The following CLCF1 variants were observed in gnomAD, a reference collection of about 807,000 sequenced individuals.
CLCF1 encodes the protein cardiotrophin-like cytokine factor 1.
A neutral mutation model predicts 21.2 loss-of-function variants in CLCF1; 10 were observed. The ratio of observed to expected loss-of-function variants is 0.47; its 90% CI spans 0.29 to 0.80. CLCF1 has a LOEUF of 0.80. Among genes scored for constraint, CLCF1 ranks in the 30% least tolerant of loss-of-function variants. The probability of loss-of-function intolerance (pLI) is 0.09; values close to 1 mark genes in which losing one functional copy is unlikely to be tolerated. For missense variants in CLCF1, 240 were observed against 293.4 expected (o/e 0.82, Z 1.33); for synonymous variants, 115 against 120.5 (o/e 0.95, Z 0.30).
At chr11:67,367,387 T>G (rs1376667333) in intron 2 of CLCF1, 73 bp downstream of exon 2, 1 of 1,610,300 alleles carries the variant, frequency 6.2e-7, no homozygotes, top group African/African-American at 1.3e-5. Flanking sequence ...ACCAGAACCC[T>G]CCACGGTTAG....
intron 1 of CLCF1, chr11:67,369,387 T>A (rs1325262356): frequency 1.0e-6 from 1 of 985,272 alleles, no homozygotes; most frequent in African/African-American, 1.7e-5. Flanking sequence ...AACTGCTCCC[T>A]GGGGAGACCA....
chr11:67,365,213 C>G lies in CLCF1; in HGVS notation c.601G>C (p.Asp201His), dbSNP rs1216547481. 1.2e-6 allele frequency: 2 copies of G among 1,613,920 alleles called. No homozygotes were observed. Among genetic ancestry groups the G allele is most frequent in the African/African-American group, 2.7e-5 (2 of 74,932 alleles). The change falls in exon 3 of 3, where the codon GAC (aspartate) becomes CAC (histidine). Residue 201 changes from aspartate to histidine, a missense_variant. Physicochemically the swap from Asp to His is moderately conservative, Grantham distance 81. Transcript: ENST00000312438. The surrounding 1 kb of genome is among the most constrained non-coding windows in gnomAD (Gnocchi z 5.0). ...LQTWLWRSAK[D>H]FNRLKKKMQP... ...ATCTTCTTCTTGAGCCGGTTGAAGT[C>G]CTTGGCCGAGCGCCACAGCCAGGTC...
intron 1 of CLCF1, chr11:67,370,701 A>G: frequency 1.0e-6 from 1 of 985,336 alleles, no homozygotes; most frequent in African/African-American, 1.7e-5. Flanking sequence ...ACCCGTGAGC[A>G]CATGTCTTTA....
intron 2 of CLCF1, 109 bp downstream of exon 2, chr11:67,367,351 A>G: frequency 6.4e-7 from 1 of 1,553,842 alleles, no homozygotes; most frequent in Non-Finnish European, 8.8e-7. Flanking sequence ...GTGGGAGCCA[A>G]AGAGCCCCTC....
intron 1 of CLCF1, chr11:67,370,466 G>A (rs1167743952): frequency 1.0e-5 from 10 of 973,228 alleles, no homozygotes; most frequent in East Asian, 1.2e-4. Context: ...TTTACATCCC[G>A]TCTTCTCTGT....
chr11:67,369,091 T>A (rs769105907), intron 1 of CLCF1: 39 of 984,950 alleles, frequency 4.0e-5, no homozygotes, highest in Non-Finnish European at 4.7e-5. Flanking sequence ...GAATGAAGAC[T>A]AGGTTAGGTC....
intron 2 of CLCF1, 107 bp downstream of exon 2, chr11:67,367,353 G>A: frequency 6.4e-7 from 1 of 1,556,560 alleles, no homozygotes; most frequent in Non-Finnish European, 8.8e-7. Flanking sequence ...GGGAGCCAAA[G>A]AGCCCCTCCT....
upstream of CLCF1, chr11:67,373,795 G>A (rs1171168310): frequency 2.1e-6 from 2 of 939,176 alleles, no homozygotes; most frequent in East Asian, 1.1e-4. Context: ...GAGGGGGGAG[G>A]AGGGAAGGGA....
At position 67,373,523 on chromosome 11, in the gene CLCF1, C is replaced by G; in HGVS notation, c.16+1G>C. On this transcript the variant is annotated splice_donor_variant, in intron 1 of 2. Coordinates refer to ENST00000312438, the MANE Select transcript of CLCF1 (RefSeq NM_013246.3). LOFTEE classifies it high-confidence loss of function. ...CGGGGCCTCGGCCGCCTGGCTCCTA[C>G]CTGCTCGGAGGTCCATGGGGCTGGG... 1 of 1,426,266 alleles carries G rather than the reference C, an allele frequency of 7.0e-7. No homozygotes were observed. The highest frequency in any genetic ancestry group is 9.2e-7 in the Non-Finnish European group (1 of 1,085,360). 88.4% of individuals were successfully genotyped at this position (1,426,266 alleles called of 1,614,324 possible). A position where few individuals can be genotyped will look rare whatever the true frequency, so the allele number is the denominator to read the frequency against.
chr11:67,369,189 A>G, intron 1 of CLCF1: 1 of 985,384 alleles, frequency 1.0e-6, no homozygotes, highest in Non-Finnish European at 1.2e-6. Context: ...CTTATGGAGG[A>G]CAGGGGTCAG....
Position 67,372,091 on chromosome 11 carries a change from G to A in CLCF1, c.16+1433C>T, listed in dbSNP as rs980334718. Among the ~76,000 whole-genome samples the A allele has an allele frequency of 7.9e-5, 12 of 152,132 alleles. No homozygotes were observed. Among genetic ancestry groups the A allele is most frequent in the Admixed American group, 3.9e-4 (6 of 15,280 alleles). On this transcript the variant is annotated intron_variant, in intron 1 of 2. Transcript: ENST00000312438. This position sits in a 1 kb window ranked among gnomAD's most constrained non-coding sequence, Gnocchi z 5.9. ...CATCCTGTCCGGTGTGAGGGGCAAC[G>A]TGTGCTCCCGAGCTGTGGCGGAGGT...
intron 1 of CLCF1, chr11:67,369,183 T>C (rs191836420): frequency 1.0e-6 from 1 of 985,358 alleles, no homozygotes; most frequent in East Asian, 1.1e-4. Context: ...ACATCTCTTA[T>C]GGAGGACAGG....
chr11:67,366,761 T>G (rs936766150), intron 2 of CLCF1, among the ~76,000 whole-genome samples: 1 of 151,950 alleles, frequency 6.6e-6, no homozygotes. Context: ...CCCTCCTCCC[T>G]TTTCTTTCCC....
chr11:67,373,821 C>T (rs1590919962), upstream of CLCF1: 3 of 1,080,812 alleles, frequency 2.8e-6, no homozygotes, highest in East Asian at 3.5e-5. Flanking sequence ...TCTGGGGCTC[C>T]CTCTCCCTCC....
intron 1 of CLCF1, chr11:67,371,175 T>A: frequency 1.6e-6 from 1 of 638,742 alleles, no homozygotes; most frequent in Non-Finnish European, 1.9e-6. Flanking sequence ...CAGAAACCCA[T>A]CTTCCTTCCA....
intron 1 of CLCF1, chr11:67,369,661 C>T: frequency 1.0e-6 from 1 of 985,472 alleles, no homozygotes; most frequent in Non-Finnish European, 1.2e-6. Context: ...AGCATCGAGT[C>T]TGGCTTCACT....
At position 67,372,157 on chromosome 11, in the gene CLCF1, G is replaced by C. The variant is rs1862248847; in HGVS notation, c.16+1367C>G. Among the ~76,000 whole-genome samples the C allele has an allele frequency of 6.6e-6, 1 of 152,120 alleles. No homozygotes were observed. Among genetic ancestry groups the C allele is most frequent in the African/African-American group, 2.4e-5 (1 of 41,414 alleles). On this transcript the variant is annotated intron_variant, in intron 1 of 2. Transcript: ENST00000312438. The surrounding 1 kb of genome is among the most constrained non-coding windows in gnomAD (Gnocchi z 5.9). ...AAAGCACAGAGGTGTCCCTGGGTTA[G>C]GGTCAGAGAAGGAGGACCCAGTAGA...
In CLCF1 at chr11:67,365,480, G is replaced by A; in HGVS notation, c.334C>T (p.His112Tyr). ...AGGCCACGCAAGTAACACAGAAGGT[G>A]GCTGTAGGCCTCGTAGTTCTGGGTC... The part of the protein sequence containing the change: ...RLTQNYEAYS[H>Y]LLCYLRGLNR... Residue 112 changes from histidine (H) to tyrosine (Y), a missense_variant, in exon 3 of 3, where the codon CAC becomes TAC. Physicochemically the swap from His to Tyr is moderately conservative, Grantham distance 83. Transcript: ENST00000312438. This position sits in a 1 kb window ranked among gnomAD's most constrained non-coding sequence, Gnocchi z 5.0. 1 of 1,614,122 alleles carries A rather than the reference G, an allele frequency of 6.2e-7. No homozygotes were observed. The highest frequency in any genetic ancestry group is 8.5e-7 in the Non-Finnish European group (1 of 1,179,966).
In CLCF1 at chr11:67,365,245, T is replaced by C; in HGVS notation, c.569A>G (p.Glu190Gly). 5.0e-6 allele frequency: 8 copies of C among 1,613,994 alleles called. No individual in the cohort carries two copies. The highest frequency in any genetic ancestry group is 6.8e-6 in the Non-Finnish European group (8 of 1,180,014). Residue 190 changes from glutamate to glycine, a missense_variant, in exon 3 of 3, where the codon GAG (glutamate) becomes GGG (glycine). Physicochemically the swap from Glu to Gly is moderately conservative, Grantham distance 98 (BLOSUM62 -2). Transcript: ENST00000312438. This position sits in a 1 kb window ranked among gnomAD's most constrained non-coding sequence, Gnocchi z 5.0. ...QKMDDFWLLK[E>G]LQTWLWRSAK... ...CGAGCGCCACAGCCAGGTCTGCAGC[T>C]CCTTCAGCAGCCAGAAGTCGTCCAT...
Sources: gnomAD v4.1 joint callset for allele counts (sites outside exome capture counted in the v4.1 genomes callset) on GRCh38, gnomAD v4.1.1 for gene constraint, Gnocchi (gnomAD v3.1) non-coding constraint, MANE v1.5 for transcripts, NCBI Gene and HGNC (gene_info 2026-07-23, HGNC 2026-07-21) for gene names.